Variants in ATP6V1C2 observed in about 807,000 individuals in gnomAD.
The protein encoded by ATP6V1C2 is ATPase H+ transporting V1 subunit C2, also known as V-type proton ATPase subunit C 2.
ATP6V1C2 carries 45 observed loss-of-function variants against 56.8 expected under a neutral mutation model. The ratio of observed to expected loss-of-function variants is 0.79; its 90% CI spans 0.62 to 1.02. The LOEUF (loss-of-function observed/expected upper bound fraction) is 1.02. Ranked by LOEUF, ATP6V1C2 falls within the 50% of genes least tolerant of loss-of-function variation. The pLI, the probability that ATP6V1C2 is intolerant of heterozygous loss-of-function variation, is 0.00. For synonymous variants in ATP6V1C2, 220 were observed against 201.3 expected (o/e 1.09, Z -0.79); for missense variants, 463 against 519.7 (o/e 0.89, Z 1.06).
chr2:10,766,246 C>T (rs1664212719), intron 5 of ATP6V1C2, among the ~76,000 whole-genome samples: 1 of 152,170 alleles, frequency 6.6e-6, no homozygotes, highest in African/African-American at 2.4e-5. Context: ...GTGTTGTCTC[C>T]CTCAGTCCTT....
intron 2 of ATP6V1C2, among the ~76,000 whole-genome samples, chr2:10,724,967 A>G (rs1166484071): frequency 1.3e-5 from 2 of 149,472 alleles, no homozygotes; most frequent in African/African-American, 2.5e-5. Context: ...ATTTTTCTTA[A>G]TTTTTTTTTT....
At chr2:10,724,258 C>T (rs1661518946) in intron 2 of ATP6V1C2, among the ~76,000 whole-genome samples, 1 of 152,134 alleles carries the variant, frequency 6.6e-6, no homozygotes, top group African/African-American at 2.4e-5. Context: ...TGCCCCTCCG[C>T]CCAAACAGCT....
chr2:10,739,072 GGAAGTTGGAGACCAGCCT>G (rs914806495), intron 3 of ATP6V1C2, among the ~76,000 whole-genome samples: 18 of 152,038 alleles, frequency 1.2e-4, no homozygotes, highest in African/African-American at 4.3e-4. Context: ...ACCTGGGGTC[GGAAGTTGGAGACCAGCCT>G]GACCAACATG....
At chr2:10,769,377 G>C (rs985548021) in intron 6 of ATP6V1C2, among the ~76,000 whole-genome samples, 4 of 152,214 alleles carry the variant, frequency 2.6e-5, no homozygotes, top group Non-Finnish European at 5.9e-5. Flanking sequence ...GTCTTGTGAG[G>C]TGTAGTGAGT....
chr2:10,741,161 C>T (rs1489349240), intron 3 of ATP6V1C2, among the ~76,000 whole-genome samples: 2 of 152,136 alleles, frequency 1.3e-5, no homozygotes, highest in Admixed American at 6.5e-5. Flanking sequence ...AAGATCAGCT[C>T]GTTATTTAAA....
rs145212949 is a variant in ATP6V1C2 at position 10,763,647 on chromosome 2, C to T, written c.284-684C>T. Among the ~76,000 whole-genome samples, 436 of 152,324 alleles carry T rather than the reference C, an allele frequency of 2.9e-3. 3 individuals carry two copies. Among genetic ancestry groups the T allele is most frequent in the African/African-American group, 9.5e-3 (396 of 41,566 alleles). On this transcript the variant is annotated intron_variant, in intron 4 of 13. Coordinates refer to ENST00000272238, the MANE Select transcript of ATP6V1C2 (RefSeq NM_001039362.2). This position sits in a 1 kb window ranked among gnomAD's most constrained non-coding sequence, Gnocchi z 4.2. The stretch of plus-strand genomic sequence containing the variant: ...GCGCTGCAGCTTCCAGGGAATTTCC[C>T]GCTCTTCCATAGACCCGGCGTATTA...
At chr2:10,764,793 A>T (rs1404982827) in intron 5 of ATP6V1C2, among the ~76,000 whole-genome samples, 1 of 152,192 alleles carries the variant, frequency 6.6e-6, no homozygotes, top group East Asian at 1.9e-4. Context: ...AATATGGTGA[A>T]ACCCTGTCTC....
At chr2:10,721,962 G>GTT (rs1661389411) in intron 1 of ATP6V1C2, among the ~76,000 whole-genome samples, 2 of 152,348 alleles carry the variant, frequency 1.3e-5, no homozygotes, top group Non-Finnish European at 2.9e-5. Context: ...GGGTCTGCGC[G>GTT]GGGTTAGGAG....
At chr2:10,742,887 G>A (rs1157663646) in intron 3 of ATP6V1C2, among the ~76,000 whole-genome samples, 2 of 152,080 alleles carry the variant, frequency 1.3e-5, no homozygotes, top group Non-Finnish European at 2.9e-5. Flanking sequence ...ATCCCCCACC[G>A]CAGCTTGCCC....
At position 10,775,573 on chromosome 2, in the gene ATP6V1C2, C is replaced by T. The variant is rs763002140; in HGVS notation, c.825+502C>T. 5.9e-5 allele frequency among the ~76,000 whole-genome samples: 9 copies of T among 152,288 alleles called. 2 individuals carry two copies. Among genetic ancestry groups the T allele is most frequent in the South Asian group, 4.1e-4 (2 of 4,828 alleles). ...GTATTTACCTCCCGTGTCCTTAGTG[C>T]GGAGAGGGTGCTTATCTGGAGACTT... On this transcript the variant is annotated intron_variant, in intron 10 of 13. Coordinates refer to ENST00000272238, the MANE Select transcript of ATP6V1C2 (RefSeq NM_001039362.2).
At chr2:10,731,763 C>T (rs757542989) in intron 3 of ATP6V1C2, among the ~76,000 whole-genome samples, 9 of 152,068 alleles carry the variant, frequency 5.9e-5, no homozygotes, top group Middle Eastern at 3.2e-3. Flanking sequence ...TGCTTGAGCC[C>T]AGGAGTTCAA....
At chr2:10,755,973 G>A (rs941767249) in intron 4 of ATP6V1C2, among the ~76,000 whole-genome samples, 3 of 152,178 alleles carry the variant, frequency 2.0e-5, no homozygotes, top group African/African-American at 7.2e-5. Flanking sequence ...AAACCTTTGA[G>A]ACTTTGGAAA....
chr2:10,762,413 G>A (rs1663965752), intron 4 of ATP6V1C2, among the ~76,000 whole-genome samples: 2 of 152,022 alleles, frequency 1.3e-5, no homozygotes, highest in Non-Finnish European at 2.9e-5. Context: ...CAAAGTGCTG[G>A]GATTACAGGT....
intron 3 of ATP6V1C2, among the ~76,000 whole-genome samples, chr2:10,742,966 C>T (rs554264135): frequency 7.7e-4 from 117 of 152,306 alleles, no homozygotes; most frequent in Middle Eastern, 3.4e-3. Context: ...CACACCTGGG[C>T]AATGCCCCCC....
At chr2:10,764,267 C>A in intron 4 of ATP6V1C2, 64 bp from the exon 5 acceptor site, 6 of 1,410,712 alleles carry the variant, frequency 4.3e-6, no homozygotes, top group Non-Finnish European at 6.0e-6. Flanking sequence ...CTTGGGATTC[C>A]GAAGTCTCAA....
intron 3 of ATP6V1C2, among the ~76,000 whole-genome samples, chr2:10,742,557 C>T (rs559878322): frequency 2.6e-5 from 4 of 152,204 alleles, no homozygotes; most frequent in South Asian, 2.1e-4. Context: ...TCTAGGCACC[C>T]GCCGGCTGCT....
rs1572628911 is a variant in ATP6V1C2, at chr2:10,780,779, T to A, written c.1062-1464T>A. Among the ~76,000 whole-genome samples, 1 of 151,480 alleles carries A rather than the reference T, an allele frequency of 6.6e-6. No homozygotes were observed. ...TTTTTTTTTTGAGATGGACTCTTGC[T>A]GTCGCCTAGGCTGGAGTGCAGTGGC... On this transcript the variant is annotated intron_variant, in intron 12 of 13. Coordinates refer to ENST00000272238, the MANE Select transcript of ATP6V1C2 (RefSeq NM_001039362.2). The surrounding 1 kb of genome is among the most constrained non-coding windows in gnomAD (Gnocchi z 4.1).
At chr2:10,740,087 C>CAAAAA (rs70953339) in intron 3 of ATP6V1C2, among the ~76,000 whole-genome samples, 2 of 103,752 alleles carry the variant, frequency 1.9e-5, no homozygotes, top group Non-Finnish European at 1.8e-5. Flanking sequence ...GACTCCATCT[C>CAAAAA]AAAAAAAAAA....
intron 3 of ATP6V1C2, among the ~76,000 whole-genome samples, chr2:10,737,260 C>A (rs1252218992): frequency 5.7e-5 from 7 of 123,064 alleles, no homozygotes; most frequent in East Asian, 4.9e-4. Context: ...ACTAAAAATA[C>A]AAAAAAAAAA....
Sources: allele counts gnomAD v4.1 joint callset (sites outside exome capture counted in the v4.1 genomes callset), GRCh38; gene constraint gnomAD v4.1.1; non-coding constraint Gnocchi (gnomAD v3.1); transcripts MANE v1.5; gene names NCBI Gene and HGNC (gene_info 2026-07-23, HGNC 2026-07-21).